The following F5 variants were observed in gnomAD, a reference collection of about 807,000 sequenced individuals.
F5 encodes the protein activated protein c cofactor.
Under a neutral mutation model 216.4 loss-of-function variants are expected in F5, and 138 were observed. That is an observed-to-expected ratio of 0.64 (90% CI 0.56 to 0.73). The LOEUF is 0.73. F5 is among the 30% of genes least tolerant of loss of function. The pLI, the probability that F5 is intolerant of heterozygous loss-of-function variation, is 0.00. For missense variants in F5, 2,403 were observed against 2,674.0 expected, an observed-to-expected ratio of 0.90 and a Z score of 2.24; for synonymous variants, 916 against 930.7, an observed-to-expected ratio of 0.98 and a Z score of 0.29.
At chr1:169,581,061 G>T (rs1660975345) in intron 2 of F5, among the ~76,000 whole-genome samples, 1 of 152,162 alleles carries the variant, frequency 6.6e-6, no homozygotes, top group Non-Finnish European at 1.5e-5. Flanking sequence ...TGGCTTCTGG[G>T]TAGGTAGTAG....
At chr1:169,523,075 G>T in intron 21 of F5, 122 bp downstream of exon 21, 3 of 1,043,174 alleles carry the variant, frequency 2.9e-6, no homozygotes, top group Non-Finnish European at 4.4e-6. Context: ...CCCTTAGAAA[G>T]CCATTCACAT....
At chr1:169,545,768 A>G (rs1227148441) in intron 11 of F5, among the ~76,000 whole-genome samples, 1 of 152,226 alleles carries the variant, frequency 6.6e-6, no homozygotes, top group Non-Finnish European at 1.5e-5. Flanking sequence ...GAAGGTGATT[A>G]CCATGACTCT....
At chr1:169,581,941 C>T (rs1571605451) in intron 2 of F5, among the ~76,000 whole-genome samples, 1 of 152,196 alleles carries the variant, frequency 6.6e-6, no homozygotes, top group East Asian at 1.9e-4. Context: ...TTTGCGAAGG[C>T]ACATCTATGC....
At chr1:169,575,550 A>G (rs1660825647) in intron 2 of F5, among the ~76,000 whole-genome samples, 1 of 152,156 alleles carries the variant, frequency 6.6e-6, no homozygotes, top group Non-Finnish European at 1.5e-5. Context: ...AACAGATAGA[A>G]GACTCCAGGA....
intron 21 of F5, 79 bp from the exon 22 acceptor site, chr1:169,520,743 A>T (rs1368936602): frequency 8.4e-7 from 1 of 1,190,004 alleles, no homozygotes; most frequent in Non-Finnish European, 1.2e-6. Context: ...ATCTAATTTA[A>T]TATTGTAATA....
At chr1:169,531,787 A>G (rs1659600492) in intron 14 of F5, among the ~76,000 whole-genome samples, 1 of 152,118 alleles carries the variant, frequency 6.6e-6, no homozygotes, top group Non-Finnish European at 1.5e-5. Context: ...AGCTCCTCCC[A>G]GCCCTTCTAT....
intron 6 of F5, among the ~76,000 whole-genome samples, chr1:169,556,275 T>A (rs2101829881): frequency 6.7e-6 from 1 of 148,204 alleles, no homozygotes; most frequent in South Asian, 2.1e-4. Context: ...ACTTAGTGCT[T>A]CTGTAAATTT....
intron 3 of F5, among the ~76,000 whole-genome samples, chr1:169,564,406 C>T (rs1660552424): frequency 6.6e-6 from 1 of 152,044 alleles, no homozygotes; most frequent in Non-Finnish European, 1.5e-5. Context: ...TTCCTCAACC[C>T]ATAGAGACTC....
chr1:169,516,974 C>A (rs1468802021), intron 23 of F5, among the ~76,000 whole-genome samples: 1 of 152,048 alleles, frequency 6.6e-6, no homozygotes, highest in Non-Finnish European at 1.5e-5. Flanking sequence ...TATGGAGTGA[C>A]AAGGTTATAC....
chr1:169,544,170 G>T, intron 12 of F5, 126 bp downstream of exon 12: 1 of 758,074 alleles, frequency 1.3e-6, no homozygotes, highest in South Asian at 1.5e-5. Context: ...AACATTGAAA[G>T]AAAAGCCTGC....
chr1:169,584,949 G>A (rs1340279852), intron 1 of F5, among the ~76,000 whole-genome samples: 5 of 152,050 alleles, frequency 3.3e-5, no homozygotes, highest in Admixed American at 6.5e-5. Flanking sequence ...TTCTGCCTCC[G>A]GTATTTTGCT....
Position 169,523,244 on chromosome 1 carries a change from G to A in F5, c.6001C>T (p.Gln2001Ter). ...TEFYVAYSSN[Q>*]INWQIFKGNS... ...CCTTTGAAGATCTGCCAGTTGATCT[G>A]GTTGGAACTGTAAGCTACATAGAAC... The change falls in exon 21 of 25, where the codon CAG becomes TAG. Residue 2001 changes from glutamine (Q) to a stop codon, truncating the protein, a stop_gained. Coordinates refer to ENST00000367797, the MANE Select transcript of F5 (RefSeq NM_000130.5). LOFTEE classifies it high-confidence loss of function. 6.2e-7 allele frequency: 1 copy of A among 1,614,068 alleles called. No homozygotes were observed. Among genetic ancestry groups the A allele is most frequent in the Non-Finnish European group, 8.5e-7 (1 of 1,179,970 alleles).
Position 169,540,688 on chromosome 1 carries a change from C to G in F5, c.4402G>C (p.Glu1468Gln), listed in dbSNP as rs773889281. The change falls in exon 13 of 25, where the codon GAA (glutamate) becomes CAA (glutamine). Residue 1468 changes from glutamate (E) to glutamine (Q), a missense_variant. Glu to Gln is a conservative substitution (Grantham distance 29). Coordinates refer to ENST00000367797, the MANE Select transcript of F5 (RefSeq NM_000130.5). ...TGAAGAAGCAATGACTGACTAGATT[C>G]AGAAGGGTAGAATATCTGATCAAGG... The part of the protein sequence containing the change: ...PDLDQIFYPS[E>Q]SSQSLLLQEF... The G allele has an allele frequency of 1.2e-6, 2 of 1,613,986 alleles. No individual in the cohort carries two copies. The highest frequency in any genetic ancestry group is 1.7e-6 in the Non-Finnish European group (2 of 1,179,966).
At chr1:169,544,888 T>C (rs995099647) in intron 11 of F5, among the ~76,000 whole-genome samples, 1 of 152,252 alleles carries the variant, frequency 6.6e-6, no homozygotes, top group Non-Finnish European at 1.5e-5. Context: ...AGTCATTGGG[T>C]AAGAAGTAAT....
chr1:169,578,953 T>C (rs1229644476), intron 2 of F5, among the ~76,000 whole-genome samples: 2 of 152,188 alleles, frequency 1.3e-5, no homozygotes, highest in Non-Finnish European at 2.9e-5. Flanking sequence ...AAGGACTTCA[T>C]GGCATTTCTA....
At chr1:169,526,149 G>T in intron 17 of F5, 132 bp from the exon 18 acceptor site, 1 of 659,818 alleles carries the variant, frequency 1.5e-6, no homozygotes, top group Non-Finnish European at 2.7e-6. Context: ...TTTTCTTTAG[G>T]TAGGACTGAA....
Position 169,520,572 on chromosome 1 carries a change from T to C in F5, c.6141A>G (p.Arg2047=). 6.2e-7 allele frequency: 1 copy of C among 1,614,006 alleles called. No homozygotes were observed. Among genetic ancestry groups the C allele is most frequent in the Non-Finnish European group, 8.5e-7 (1 of 1,179,956 alleles). ...VARYIRISPT[R]AYNRPTLRLE... The stretch of plus-strand genomic sequence containing the variant: ...ATCGAAGGGTAGGTCTGTTATAGGC[T>C]CGAGTTGGAGAGATCCTAATATATC... The change falls in exon 22 of 25, where the codon CGA becomes CGG. Residue 2047 remains arginine, a synonymous_variant. Coordinates refer to ENST00000367797, the MANE Select transcript of F5 (RefSeq NM_000130.5).
intron 10 of F5, 52 bp from the exon 11 acceptor site, chr1:169,546,644 T>C (rs979998914): frequency 4.6e-6 from 7 of 1,519,906 alleles, no homozygotes; most frequent in Admixed American, 3.3e-5. Flanking sequence ...CATAGACCAA[T>C]GGAACAGAAT....
chr1:169,565,056 C>T (rs1426926583), intron 3 of F5, among the ~76,000 whole-genome samples: 1 of 151,982 alleles, frequency 6.6e-6, no homozygotes, highest in Non-Finnish European at 1.5e-5. Flanking sequence ...CTGTCAGTTC[C>T]CCAGACATCC....
Sources: allele counts gnomAD v4.1 joint callset (sites outside exome capture counted in the v4.1 genomes callset), GRCh38; gene constraint gnomAD v4.1.1; transcripts MANE v1.5; gene names NCBI Gene and HGNC (gene_info 2026-07-23, HGNC 2026-07-21).